The following CDH8 variants were observed in gnomAD, a reference collection of about 807,000 sequenced individuals.
CDH8 encodes the protein cadherin 8.
In CDH8, 17 loss-of-function variants were observed where a neutral mutation model predicts 68.1. The ratio of observed to expected loss-of-function variants is 0.25; its 90% confidence interval spans 0.17 to 0.37. The LOEUF (loss-of-function observed/expected upper bound fraction) is 0.37. Ranked by LOEUF, CDH8 falls within the 10% of genes least tolerant of loss-of-function variation. The probability of loss-of-function intolerance (pLI) is 1.00; values close to 1 mark genes in which losing one functional copy is unlikely to be tolerated. For missense variants in CDH8, 763 were observed against 999.3 expected, an observed-to-expected ratio of 0.76 and a Z score of 3.19; for synonymous variants, 372 against 365.1, an observed-to-expected ratio of 1.02 and a Z score of -0.21.
At chr16:62,005,629 G>A (rs997500290) in intron 2 of CDH8, among the ~76,000 whole-genome samples, 3 of 151,496 alleles carry the variant, frequency 2.0e-5, no homozygotes, top group Non-Finnish European at 2.9e-5. Context: ...CCAGCTACTC[G>A]GGAGGCTGAG....
chr16:61,801,936 G>T lies in CDH8; in HGVS notation c.1278-12454C>A, dbSNP rs7306618. ...GCTTGCTTAGGTAAACAAAGCAGCC[G>T]GGAAGCTCCAACTGGGTGGAGCCCA... On this transcript the variant is annotated intron_variant, in intron 7 of 11. Coordinates refer to ENST00000577390, the MANE Select transcript of CDH8 (RefSeq NM_001796.5). Among the ~76,000 whole-genome samples, 121 of 137,746 alleles carry T rather than the reference G, an allele frequency of 8.8e-4. 2 individuals are homozygous for T. The Middle Eastern group carries it at 0.019, about 22-fold the overall frequency. The allele number at this position is 137,746 out of a possible 152,430, so 90.4% of individuals were successfully genotyped here.
At chr16:61,723,391 T>A (rs1959251673) in intron 9 of CDH8, among the ~76,000 whole-genome samples, 1 of 150,722 alleles carries the variant, frequency 6.6e-6, no homozygotes. Flanking sequence ...TCAGAAAGAA[T>A]CTGGTTTATC....
chr16:62,032,428 T>C (rs1187682348), intron 1 of CDH8, among the ~76,000 whole-genome samples: 1 of 152,166 alleles, frequency 6.6e-6, no homozygotes, highest in African/African-American at 2.4e-5. Context: ...GAGAAGTGTA[T>C]AACACACCAA....
chr16:61,878,795 A>G (rs1180098074), intron 3 of CDH8, among the ~76,000 whole-genome samples: 1 of 152,218 alleles, frequency 6.6e-6, no homozygotes, highest in Non-Finnish European at 1.5e-5. Context: ...TTTTACAAAT[A>G]ATCAGTAGGA....
In CDH8 at chr16:61,996,280, G is replaced by A. The variant is rs537795492; in HGVS notation, c.252+24872C>T. On this transcript the variant is annotated intron_variant, in intron 2 of 11. Transcript: ENST00000577390. Reference sequence around the variant, plus strand: ...GATGAAAGAATCATGCCTTGTAATTGAGCAACACAGTCTTGACACCGTCAT... The same window carrying A: ...GATGAAAGAATCATGCCTTGTAATTAAGCAACACAGTCTTGACACCGTCAT... 3.3e-5 allele frequency among the ~76,000 whole-genome samples: 5 copies of A among 152,226 alleles called. No homozygotes were observed. The South Asian group carries it at 1.0e-3, about 32-fold the overall frequency.
At chr16:61,978,229 C>T (rs1189582350) in intron 2 of CDH8, among the ~76,000 whole-genome samples, 1 of 152,134 alleles carries the variant, frequency 6.6e-6, no homozygotes, top group Non-Finnish European at 1.5e-5. Flanking sequence ...ACAATGTTCT[C>T]ATTATGGGTA....
chr16:61,779,117 T>C (rs1960974705), intron 8 of CDH8, among the ~76,000 whole-genome samples: 2 of 152,166 alleles, frequency 1.3e-5, no homozygotes, highest in African/African-American at 4.8e-5. Flanking sequence ...CCAATAGTCA[T>C]GTACTTTCTA....
intron 4 of CDH8, among the ~76,000 whole-genome samples, chr16:61,847,542 A>T (rs1038498608): frequency 2.9e-5 from 1 of 34,974 alleles, no homozygotes; most frequent in Non-Finnish European, 4.4e-5. Flanking sequence ...ATCATTTTAT[A>T]TATATATATA....
intron 2 of CDH8, among the ~76,000 whole-genome samples, chr16:61,994,546 A>G (rs55903010): frequency 0.099 from 15,068 of 152,130 alleles, 1,098 homozygotes; most frequent in African/African-American, 0.2. Flanking sequence ...AAGCTTTATG[A>G]CTCTCATCTG....
intron 3 of CDH8, among the ~76,000 whole-genome samples, chr16:61,895,222 C>T (rs1963849897): frequency 6.6e-6 from 1 of 152,032 alleles, no homozygotes; most frequent in South Asian, 2.1e-4. Flanking sequence ...CTATTATAAA[C>T]ATGCTGCAGA....
chr16:61,937,587 A>C (rs1456588473), intron 2 of CDH8, among the ~76,000 whole-genome samples: 2 of 152,218 alleles, frequency 1.3e-5, no homozygotes, highest in Admixed American at 1.3e-4. Context: ...CTTTATAGGC[A>C]AAATTTTCAC....
intron 8 of CDH8, among the ~76,000 whole-genome samples, chr16:61,729,503 A>C (rs1177232833): frequency 6.6e-6 from 1 of 151,236 alleles, no homozygotes; most frequent in Admixed American, 6.6e-5. Flanking sequence ...GAAACTGTGC[A>C]GTTTAACTTC....
chr16:61,899,053 C>T (rs1392361543), intron 3 of CDH8, among the ~76,000 whole-genome samples: 3 of 152,000 alleles, frequency 2.0e-5, no homozygotes, highest in East Asian at 1.9e-4. Flanking sequence ...TAGGTATGCA[C>T]GTGCCATGGT....
chr16:61,714,541 T>C lies in CDH8; in HGVS notation c.1537-583A>G, dbSNP rs146174632. Among the ~76,000 whole-genome samples the C allele has an allele frequency of 4.6e-3, 700 of 151,734 alleles. 6 individuals carry two copies. The highest frequency in any genetic ancestry group is 0.016 in the African/African-American group (671 of 41,484). ...GCAAACAATGCTTTGGAGTGTATCC[T>C]GAGATGAATAAATTATAGGGATTAG... On this transcript the variant is annotated intron_variant, in intron 9 of 11. Transcript: ENST00000577390.
chr16:61,926,152 GGTGTGTGTGT>G (rs61028306), intron 2 of CDH8, among the ~76,000 whole-genome samples: 106 of 142,208 alleles, frequency 7.5e-4, no homozygotes, highest in African/African-American at 2.6e-3. Flanking sequence ...ACTCAGAAGG[GGTGTGTGTGT>G]GTGTGTGTGT....
intron 2 of CDH8, among the ~76,000 whole-genome samples, chr16:62,012,882 T>G (rs1901846575): frequency 6.6e-6 from 1 of 152,202 alleles, no homozygotes; most frequent in African/African-American, 2.4e-5. Context: ...TTTATGATTC[T>G]GTGTTGTTTT....
At chr16:61,808,137 CA>C (rs1961840798) in intron 7 of CDH8, among the ~76,000 whole-genome samples, 1 of 152,174 alleles carries the variant, frequency 6.6e-6, no homozygotes, top group Non-Finnish European at 1.5e-5. Context: ...AATGCATATT[CA>C]AGTTTGATGT....
intron 3 of CDH8, among the ~76,000 whole-genome samples, chr16:61,860,957 C>T (rs543329837): frequency 6.6e-6 from 1 of 152,270 alleles, no homozygotes; most frequent in East Asian, 1.9e-4. Flanking sequence ...TTATCTGTTT[C>T]TTTGAGCAAA....
chr16:61,983,114 A>G (rs1965566440), intron 2 of CDH8, among the ~76,000 whole-genome samples: 1 of 152,210 alleles, frequency 6.6e-6, no homozygotes. Flanking sequence ...CTGTATATAT[A>G]CATACTACAG....
Sources: allele counts gnomAD v4.1 joint callset (sites outside exome capture counted in the v4.1 genomes callset), GRCh38; gene constraint gnomAD v4.1.1; transcripts MANE v1.5; gene names NCBI Gene and HGNC (gene_info 2026-07-23, HGNC 2026-07-21).